The following DLGAP2 variants were observed in gnomAD, a reference collection of about 807,000 sequenced individuals.
DLGAP2 encodes the protein DLG associated protein 2, also known as disks large-associated protein 2.
A neutral mutation model predicts 100.3 loss-of-function variants in DLGAP2; 26 were observed. The observed-to-expected ratio is 0.26, with a 90% CI of 0.19 to 0.36. The LOEUF (loss-of-function observed/expected upper bound fraction) is 0.36. Among genes scored for constraint, DLGAP2 ranks in the 10% least tolerant of loss-of-function variants. The probability of loss-of-function intolerance (pLI) is 1.00; values close to 1 mark genes in which losing one functional copy is unlikely to be tolerated. For missense variants in DLGAP2, 1,858 were observed against 1,453.2 expected, an observed-to-expected ratio of 1.28 and a Z score of -4.53; for synonymous variants, 886 against 630.1, an observed-to-expected ratio of 1.41 and a Z score of -6.08.
chr8:1,079,610 A>C (rs1185268513), intron 2 of DLGAP2, among the ~76,000 whole-genome samples: 2 of 152,208 alleles, frequency 1.3e-5, no homozygotes. Flanking sequence ...TGTTTATCTT[A>C]GGAACATTTA....
At chr8:780,908 A>G (rs1032483875) in intron 1 of DLGAP2, among the ~76,000 whole-genome samples, 2 of 152,202 alleles carry the variant, frequency 1.3e-5, no homozygotes, top group African/African-American at 4.8e-5. Flanking sequence ...TATTGAGGAC[A>G]TCAAAAAAGT....
intron 4 of DLGAP2, among the ~76,000 whole-genome samples, chr8:1,511,720 C>G (rs930580793): frequency 6.6e-6 from 1 of 151,632 alleles, no homozygotes; most frequent in Non-Finnish European, 1.5e-5. Context: ...TAAGTGCTGT[C>G]TAGTGTAAGA....
intron 2 of DLGAP2, among the ~76,000 whole-genome samples, chr8:1,228,197 T>C (rs1262851003): frequency 2.0e-5 from 3 of 151,972 alleles, no homozygotes; most frequent in African/African-American, 7.3e-5. Flanking sequence ...CTGCACGTTG[T>C]GCACATGTAC....
At chr8:1,131,175 G>A (rs1343538247) in intron 2 of DLGAP2, among the ~76,000 whole-genome samples, 1 of 152,196 alleles carries the variant, frequency 6.6e-6, no homozygotes, top group Non-Finnish European at 1.5e-5. Context: ...TCTTTCAGCT[G>A]CTTTTCCCAG....
intron 3 of DLGAP2, chr8:1,369,856 G>A (rs942683713): frequency 1.3e-5 from 2 of 152,274 alleles, no homozygotes; most frequent in African/African-American, 4.8e-5. Flanking sequence ...GAGGCGCGAG[G>A]CGCAAGGCAC....
At chr8:770,846 C>G (rs1821337428) in intron 1 of DLGAP2, among the ~76,000 whole-genome samples, 1 of 151,260 alleles carries the variant, frequency 6.6e-6, no homozygotes, top group Admixed American at 6.6e-5. Context: ...AACTCATAAA[C>G]CTAATTTTGG....
At chr8:1,253,733 G>T (rs752747571) in intron 2 of DLGAP2, among the ~76,000 whole-genome samples, 4 of 152,170 alleles carry the variant, frequency 2.6e-5, no homozygotes, top group Non-Finnish European at 5.9e-5. Context: ...GATCAGTGTG[G>T]TCTTCTCCTA....
chr8:958,992 C>A (rs1799660319), intron 2 of DLGAP2, among the ~76,000 whole-genome samples: 1 of 152,126 alleles, frequency 6.6e-6, no homozygotes. Context: ...TATGCAGCAA[C>A]AAAATGTCTT....
At chr8:1,100,912 A>T (rs1458393123) in intron 2 of DLGAP2, among the ~76,000 whole-genome samples, 1 of 152,234 alleles carries the variant, frequency 6.6e-6, no homozygotes, top group Admixed American at 6.5e-5. Context: ...CAAGTGCTTT[A>T]TAGCTGTTCC....
chr8:1,538,945 G>A (rs1440169437), intron 4 of DLGAP2, among the ~76,000 whole-genome samples: 1 of 147,904 alleles, frequency 6.8e-6, no homozygotes, highest in African/African-American at 2.5e-5. Context: ...GAATGCAATG[G>A]TGCGATCTCC....
intron 3 of DLGAP2, among the ~76,000 whole-genome samples, chr8:1,372,590 C>G (rs1007370422): frequency 6.6e-6 from 1 of 152,156 alleles, no homozygotes; most frequent in Non-Finnish European, 1.5e-5. Context: ...GCCAGGAGCT[C>G]TTTGTGAAAG....
At chr8:1,141,789 A>C (rs1486558783) in intron 2 of DLGAP2, among the ~76,000 whole-genome samples, 2 of 152,230 alleles carry the variant, frequency 1.3e-5, no homozygotes, top group Admixed American at 6.5e-5. Context: ...TGACTGAAAA[A>C]AATGACTCAA....
At chr8:1,082,539 G>A (rs922436055) in intron 2 of DLGAP2, among the ~76,000 whole-genome samples, 6 of 152,156 alleles carry the variant, frequency 3.9e-5, no homozygotes, top group Admixed American at 2.6e-4. Context: ...CACACGCCTC[G>A]GAACACACAT....
intron 3 of DLGAP2, among the ~76,000 whole-genome samples, chr8:1,380,603 G>C (rs1458211961): frequency 6.6e-6 from 1 of 152,118 alleles, no homozygotes; most frequent in African/African-American, 2.4e-5. Flanking sequence ...TGAAGGATCA[G>C]CATGAACACC....
chr8:1,392,836 G>C (rs1280877564), intron 3 of DLGAP2, among the ~76,000 whole-genome samples: 1 of 150,588 alleles, frequency 6.6e-6, no homozygotes, highest in Non-Finnish European at 1.5e-5. Flanking sequence ...TTGGCAAAGT[G>C]AATGTATGTG....
At chr8:1,493,935 C>T (rs1487284674) in intron 3 of DLGAP2, among the ~76,000 whole-genome samples, 2 of 152,230 alleles carry the variant, frequency 1.3e-5, no homozygotes, top group African/African-American at 4.8e-5. Context: ...ATAAAAAGTG[C>T]AGTGTGGACT....
rs189059495 is a variant in DLGAP2 at position 1,539,131 on chromosome 8, C to A, written c.173-9495C>A. Among the ~76,000 whole-genome samples the A allele has an allele frequency of 9.3e-4, 142 of 152,272 alleles. 1 individual carries two copies. Among genetic ancestry groups the A allele is most frequent in the African/African-American group, 3.3e-3 (137 of 41,540 alleles). On this transcript the variant is annotated intron_variant, in intron 4 of 14. Coordinates refer to ENST00000637795, the MANE Select transcript of DLGAP2 (RefSeq NM_001346810.2). Reference sequence around the variant, plus strand: ...GAACTCTCAACCTCAAGTGATCCACCTGCCTCAGCCTCCTAAAGTGCTGGG... The same window carrying A: ...GAACTCTCAACCTCAAGTGATCCACATGCCTCAGCCTCCTAAAGTGCTGGG...
intron 2 of DLGAP2, among the ~76,000 whole-genome samples, chr8:1,126,069 C>T (rs190344486): frequency 6.6e-5 from 10 of 152,330 alleles, no homozygotes; most frequent in African/African-American, 1.7e-4. Flanking sequence ...CACATGTCTT[C>T]GAACACGCGG....
At chr8:1,474,348 T>C (rs1302657351) in intron 3 of DLGAP2, among the ~76,000 whole-genome samples, 1 of 152,220 alleles carries the variant, frequency 6.6e-6, no homozygotes, top group Non-Finnish European at 1.5e-5. Flanking sequence ...AACACGTGTG[T>C]GCAAGTGTCT....
Sources: gnomAD v4.1 joint callset for allele counts (sites outside exome capture counted in the v4.1 genomes callset) on GRCh38, gnomAD v4.1.1 for gene constraint, MANE v1.5 for transcripts, NCBI Gene and HGNC (gene_info 2026-07-23, HGNC 2026-07-21) for gene names.